AKAP13: variants seen among roughly 807,000 people sequenced by gnomAD.
AKAP13 encodes the protein A-kinase anchoring protein 13, also known as A-kinase anchor protein 13.
AKAP13 carries 80 observed loss-of-function variants against 264.5 expected under a neutral mutation model. That is an observed-to-expected ratio of 0.30 (90% confidence interval 0.25 to 0.36). The LOEUF is 0.36. Among genes scored for constraint, AKAP13 ranks in the 10% least tolerant of loss-of-function variants. The pLI is 1.00. For synonymous variants in AKAP13, 1,380 were observed against 1,250.2 expected (o/e 1.10, Z -2.19); for missense variants, 3,712 against 3,435.2 (o/e 1.08, Z -2.01).
intron 20 of AKAP13, 41 bp from the exon 21 acceptor site, chr15:85,717,249 C>A: frequency 7.6e-7 from 1 of 1,315,740 alleles, no homozygotes; most frequent in Non-Finnish European, 1.1e-6. Flanking sequence ...CATAGGTTAT[C>A]AGAATGTATT....
At chr15:85,631,805 A>C (rs746230576) in intron 8 of AKAP13, among the ~76,000 whole-genome samples, 8 of 152,218 alleles carry the variant, frequency 5.3e-5, no homozygotes, top group Non-Finnish European at 1.0e-4. Context: ...CTTTTTATGT[A>C]TACTATTTTT....
chr15:85,661,902 G>A (rs1237618341), intron 12 of AKAP13, among the ~76,000 whole-genome samples: 22 of 136,630 alleles, frequency 1.6e-4, no homozygotes, highest in South Asian at 2.4e-4. Flanking sequence ...GGAAACACAT[G>A]AAAAAAAAAA....
In AKAP13 at chr15:85,580,433, A is replaced by T; in HGVS notation, c.2365A>T (p.Asn789Tyr). The T allele has an allele frequency of 6.2e-7, 1 of 1,614,238 alleles. No individual in the cohort carries two copies. The change falls in exon 7 of 37, where the codon AAC becomes TAC. Residue 789 changes from asparagine (N) to tyrosine (Y), a missense_variant. By Grantham distance (143) the Asn-to-Tyr change is moderately radical. Transcript: ENST00000394518. The part of the protein sequence containing the change: ...VISDSTFSLA[N>Y]SPGSESVTKD... Reference sequence around the variant, plus strand: ...ATCAGACAGTACTTTCTCTCTGGCAAACAGTCCAGGCAGTGAATCAGTAAC... The same window carrying T: ...ATCAGACAGTACTTTCTCTCTGGCATACAGTCCAGGCAGTGAATCAGTAAC...
chr15:85,634,631 G>A (rs1035982528), intron 8 of AKAP13, among the ~76,000 whole-genome samples: 3 of 152,064 alleles, frequency 2.0e-5, no homozygotes, highest in Non-Finnish European at 4.4e-5. Context: ...TTATAGTTTG[G>A]TGAGCCTTGA....
intron 1 of AKAP13, among the ~76,000 whole-genome samples, chr15:85,478,354 A>AG (rs11413041): frequency 0.51 from 77,110 of 151,990 alleles, 20,097 homozygotes; most frequent in Middle Eastern, 0.61. Flanking sequence ...CAACTTTCAA[A>AG]TAAACTCTAA....
chr15:85,736,257 A>G (rs2088491753), intron 33 of AKAP13, 123 bp downstream of exon 33: 1 of 749,380 alleles, frequency 1.3e-6, no homozygotes, highest in Non-Finnish European at 2.2e-6. Context: ...GCTGGCTATC[A>G]TCTGTATGTG....
chr15:85,539,784 T>G (rs2077524074), intron 4 of AKAP13, among the ~76,000 whole-genome samples: 1 of 152,134 alleles, frequency 6.6e-6, no homozygotes, highest in Non-Finnish European at 1.5e-5. Context: ...ATCTTTCCAA[T>G]TAAGTATGGT....
At chr15:85,466,295 T>C (rs1328340425) in intron 1 of AKAP13, among the ~76,000 whole-genome samples, 4 of 152,138 alleles carry the variant, frequency 2.6e-5, no homozygotes, top group Non-Finnish European at 1.5e-5. Flanking sequence ...TTCTCCCATT[T>C]TGTAGGTTGC....
At chr15:85,482,289 A>G (rs1258411678) in intron 1 of AKAP13, among the ~76,000 whole-genome samples, 3 of 152,152 alleles carry the variant, frequency 2.0e-5, no homozygotes, top group Non-Finnish European at 4.4e-5. Flanking sequence ...TTTAAAGGGC[A>G]TCTCCCTCAT....
chr15:85,582,100 A>C lies in AKAP13; in HGVS notation c.4032A>C (p.Pro1344=), dbSNP rs758744363. The C allele has an allele frequency of 2.5e-6, 4 of 1,590,744 alleles. No homozygotes were observed. In the South Asian group the frequency reaches 4.5e-5, roughly 18 times the overall value. The change falls in exon 7 of 37, where the codon CCA becomes CCC. Residue 1344 remains proline, a synonymous_variant. Coordinates refer to ENST00000394518, the MANE Select transcript of AKAP13 (RefSeq NM_007200.5). ...TTTTACCTGTCCAGGGGCCTGAGCC[A>C]GCAGCAGGTAAGCAAAACATAATAC... is the stretch of plus-strand genomic sequence containing the variant. ...KIILPVQGPE[P]AAEMPDVKAE...
chr15:85,608,898 T>A (rs889281909), intron 8 of AKAP13, among the ~76,000 whole-genome samples: 1 of 152,212 alleles, frequency 6.6e-6, no homozygotes, highest in African/African-American at 2.4e-5. Flanking sequence ...GCCTAAGTCA[T>A]ATCACTTCTT....
Position 85,611,537 on chromosome 15 carries a change from A to G in AKAP13, c.4161+25714A>G, listed in dbSNP as rs1243013225. On this transcript the variant is annotated intron_variant, in intron 8 of 36. Transcript: ENST00000394518. ...GTTTCTTTTCTTGAGCTCTGCTTTC[A>G]GCAGCTGAGTTCACACTGCCATCAT... 2.0e-5 allele frequency among the ~76,000 whole-genome samples: 3 copies of G among 152,222 alleles called. No homozygotes were observed. The East Asian group carries it at 5.8e-4, about 29-fold the overall frequency.
At chr15:85,501,775 A>C (rs2076043637) in intron 2 of AKAP13, among the ~76,000 whole-genome samples, 1 of 152,226 alleles carries the variant, frequency 6.6e-6, no homozygotes, top group Non-Finnish European at 1.5e-5. Context: ...TCAGAAACCT[A>C]GGCTTTTAAT....
At chr15:85,404,530 C>G (rs2071578131) in intron 1 of AKAP13, among the ~76,000 whole-genome samples, 4 of 152,144 alleles carry the variant, frequency 2.6e-5, no homozygotes, top group Admixed American at 2.6e-4. Context: ...ATGTTCCTTC[C>G]CATCTGTTCA....
At chr15:85,620,665 T>C (rs1299478782) in intron 8 of AKAP13, among the ~76,000 whole-genome samples, 2 of 152,206 alleles carry the variant, frequency 1.3e-5, no homozygotes, top group African/African-American at 4.8e-5. Context: ...GCAACATTTA[T>C]TTCTTTTGGA....
At chr15:85,398,001 TGAG>T (rs1596039101) in intron 1 of AKAP13, among the ~76,000 whole-genome samples, 1 of 152,200 alleles carries the variant, frequency 6.6e-6, no homozygotes, top group Non-Finnish European at 1.5e-5. Flanking sequence ...ATTTTATGGA[TGAG>T]GAGACAGAGG....
At chr15:85,604,459 G>A (rs529403130) in intron 8 of AKAP13, among the ~76,000 whole-genome samples, 1 of 151,616 alleles carries the variant, frequency 6.6e-6, no homozygotes, top group African/African-American at 2.4e-5. Flanking sequence ...AGCTGCTGCT[G>A]CTGCTGCTTT....
At position 85,645,882 on chromosome 15, in the gene AKAP13, A is replaced by G. The variant is rs2082539750; in HGVS notation, c.4302A>G (p.Lys1434=). The G allele has an allele frequency of 3.7e-6, 6 of 1,613,830 alleles. No homozygotes were observed. In the African/African-American group the frequency reaches 4.0e-5, roughly 11 times the overall value. The change falls in exon 10 of 37, where the codon AAA becomes AAG. Residue 1434 remains lysine (K), a synonymous_variant. Transcript: ENST00000394518. ...RECTSKQGVL[K]RESGSDSDLF... ...GTACCTCAAAACAAGGTGTACTTAA[A>G]AGAGAATCTGGGAGTGATTCTGACC... is the stretch of plus-strand genomic sequence containing the variant.
chr15:85,444,134 A>G (rs955782480), intron 1 of AKAP13, among the ~76,000 whole-genome samples: 4 of 152,100 alleles, frequency 2.6e-5, no homozygotes, highest in Non-Finnish European at 5.9e-5. Flanking sequence ...CTTTATATTA[A>G]TCCACTCTAT....
Sources: allele counts gnomAD v4.1 joint callset (sites outside exome capture counted in the v4.1 genomes callset), GRCh38; gene constraint gnomAD v4.1.1; transcripts MANE v1.5; gene names NCBI Gene and HGNC (gene_info 2026-07-23, HGNC 2026-07-21).